RASGRP1: variants seen among roughly 807,000 people sequenced by gnomAD.
RASGRP1 encodes the protein RAS guanyl releasing protein 1.
A neutral mutation model predicts 95.1 loss-of-function variants in RASGRP1; 37 were observed. That is an observed-to-expected ratio of 0.39 (90% CI 0.30 to 0.51). RASGRP1 has a LOEUF of 0.51. Ranked by LOEUF, RASGRP1 falls within the 20% of genes least tolerant of loss-of-function variation. The pLI is 0.80. For synonymous variants in RASGRP1, 325 were observed against 353.4 expected (o/e 0.92, Z 0.90); for missense variants, 711 against 965.4 (o/e 0.74, Z 3.49).
intron 13 of RASGRP1, 33 bp downstream of exon 13, chr15:38,501,110 A>T (rs993391626): frequency 6.4e-7 from 1 of 1,557,754 alleles, no homozygotes; most frequent in Non-Finnish European, 8.7e-7. Flanking sequence ...TCTTCCCCAA[A>T]TTCAGCCCTG....
At position 38,507,996 on chromosome 15, in the gene RASGRP1, G is replaced by A. The variant is rs984298267; in HGVS notation, c.972C>T (p.Leu324=). The A allele has an allele frequency of 2.5e-6, 4 of 1,601,318 alleles. No individual in the cohort carries two copies. The highest frequency in any genetic ancestry group is 2.3e-5 in the East Asian group (1 of 44,286). Residue 324 remains leucine (L), a synonymous_variant, in exon 9 of 17, where the codon CTC becomes CTT. Coordinates refer to ENST00000310803, the MANE Select transcript of RASGRP1 (RefSeq NM_005739.4). ...SHVPHEINKV[L]GEMTELLSSS... is the part of the protein sequence containing the mutation. ...AGGACAGCAGCTCAGTCATCTCACC[G>A]AGAACCTACAAAGCAGAACAGACCA...
At chr15:38,559,689 C>T in intron 2 of RASGRP1, 132 bp downstream of exon 2, 2 of 970,948 alleles carry the variant, frequency 2.1e-6, no homozygotes, top group Non-Finnish European at 3.0e-6. Context: ...AGACTGTCTC[C>T]AACATTTCAA....
rs2141199930 is a variant in RASGRP1, at chr15:38,559,829, T to C, written c.212A>G (p.Gln71Arg). The C allele has an allele frequency of 6.2e-7, 1 of 1,613,512 alleles. No homozygotes were observed. ...GCAGTTAGCCAACTTACCAAAAGAT[T>C]GAATGCAGCTGTCAATGAGATCGTC... ...SLDDLIDSCI[Q>R]SFDADGNLCR... The change falls in exon 2 of 17, where the codon CAA becomes CGA. Residue 71 changes from glutamine (Q) to arginine (R), a missense_variant. Coordinates refer to ENST00000310803, the MANE Select transcript of RASGRP1 (RefSeq NM_005739.4).
chr15:38,519,269 C>A (rs1297952849), intron 4 of RASGRP1, 40 bp downstream of exon 4: 16 of 1,490,992 alleles, frequency 1.1e-5, no homozygotes, highest in African/African-American at 1.4e-5. Flanking sequence ...TTCATTTCAC[C>A]TTGCTCCACA....
chr15:38,557,046 A>C (rs1238711888), intron 2 of RASGRP1, among the ~76,000 whole-genome samples: 1 of 152,232 alleles, frequency 6.6e-6, no homozygotes, highest in African/African-American at 2.4e-5. Flanking sequence ...GACTGCTTTA[A>C]TCTAAAGCAC....
intron 16 of RASGRP1, among the ~76,000 whole-genome samples, chr15:38,492,592 T>C (rs1890630050): frequency 1.3e-5 from 2 of 152,202 alleles, no homozygotes; most frequent in African/African-American, 4.8e-5. Flanking sequence ...TTCCTCCTCC[T>C]GTAATAAAGT....
intron 2 of RASGRP1, among the ~76,000 whole-genome samples, chr15:38,544,747 G>T (rs548133251): frequency 5.3e-5 from 8 of 152,176 alleles, no homozygotes; most frequent in African/African-American, 1.9e-4. Context: ...AAGATACTCC[G>T]CAAGGCAAGA....
chr15:38,496,487 A>C (rs963618065), intron 15 of RASGRP1, among the ~76,000 whole-genome samples: 2 of 152,088 alleles, frequency 1.3e-5, no homozygotes, highest in African/African-American at 4.8e-5. Flanking sequence ...CCACTTGAAA[A>C]TCTGCATTTT....
chr15:38,502,469 T>C (rs1399733857), intron 11 of RASGRP1, 48 bp from the exon 12 acceptor site: 2 of 1,179,470 alleles, frequency 1.7e-6, no homozygotes, highest in Non-Finnish European at 2.5e-6. Flanking sequence ...AAACCGGTCT[T>C]CTCTCCCTTT....
At chr15:38,525,609 G>A (rs1303416033) in intron 3 of RASGRP1, among the ~76,000 whole-genome samples, 2 of 152,164 alleles carry the variant, frequency 1.3e-5, no homozygotes, top group African/African-American at 4.8e-5. Context: ...GGGGAATTAG[G>A]AGAGTGGAAA....
chr15:38,499,052 C>T (rs751563491), intron 14 of RASGRP1, 106 bp from the exon 15 acceptor site: 2 of 1,444,944 alleles, frequency 1.4e-6, no homozygotes, highest in South Asian at 1.1e-5. Context: ...CATGTCTGTT[C>T]TATCTTCTGG....
intron 2 of RASGRP1, among the ~76,000 whole-genome samples, chr15:38,552,247 G>A (rs1375441803): frequency 6.6e-6 from 1 of 152,172 alleles, no homozygotes; most frequent in Admixed American, 6.5e-5. Context: ...AGAACACACA[G>A]AGAGGTTGTT....
At chr15:38,499,828 A>G (rs1242913895) in intron 14 of RASGRP1, among the ~76,000 whole-genome samples, 4 of 152,158 alleles carry the variant, frequency 2.6e-5, no homozygotes, top group Non-Finnish European at 5.9e-5. Context: ...TGTTGTTCTC[A>G]TGATAGTGAG....
rs775047562 is a variant in RASGRP1 at position 38,507,998 on chromosome 15, G to C, written c.970C>G (p.Leu324Val). The C allele has an allele frequency of 1.2e-6, 2 of 1,601,052 alleles. No homozygotes were observed. Among genetic ancestry groups the C allele is most frequent in the Non-Finnish European group, 1.7e-6 (2 of 1,174,366 alleles). Residue 324 changes from leucine to valine, a missense_variant, in exon 9 of 17, where the codon CTC becomes GTC. Coordinates refer to ENST00000310803, the MANE Select transcript of RASGRP1 (RefSeq NM_005739.4). ...SHVPHEINKV[L>V]GEMTELLSSS... ...GACAGCAGCTCAGTCATCTCACCGA[G>C]AACCTACAAAGCAGAACAGACCAAT...
chr15:38,528,131 C>G (rs1354380895), intron 2 of RASGRP1, among the ~76,000 whole-genome samples: 2 of 152,074 alleles, frequency 1.3e-5, no homozygotes, highest in Non-Finnish European at 2.9e-5. Context: ...GGGTCTCCCC[C>G]TTTCTCAAGG....
intron 2 of RASGRP1, among the ~76,000 whole-genome samples, chr15:38,537,589 G>T (rs997678663): frequency 1.3e-5 from 2 of 152,082 alleles, no homozygotes; most frequent in African/African-American, 2.4e-5. Flanking sequence ...CTTCCCAGAG[G>T]GACATATATC....
intron 16 of RASGRP1, among the ~76,000 whole-genome samples, chr15:38,490,973 G>C (rs1326604952): frequency 6.6e-6 from 1 of 152,148 alleles, no homozygotes; most frequent in Admixed American, 6.5e-5. Flanking sequence ...AAAACTTTTG[G>C]ATGTTTTCTC....
chr15:38,558,834 C>A (rs1893684285), intron 2 of RASGRP1, among the ~76,000 whole-genome samples: 2 of 152,150 alleles, frequency 1.3e-5, no homozygotes, highest in Non-Finnish European at 2.9e-5. Context: ...GCACTTAACA[C>A]ACACAGCCAC....
At chr15:38,556,072 C>T (rs998363206) in intron 2 of RASGRP1, among the ~76,000 whole-genome samples, 1 of 152,138 alleles carries the variant, frequency 6.6e-6, no homozygotes, top group Non-Finnish European at 1.5e-5. Flanking sequence ...TCTTTTCTAC[C>T]TCTGAAACAG....
Sources: allele counts gnomAD v4.1 joint callset (sites outside exome capture counted in the v4.1 genomes callset), GRCh38; gene constraint gnomAD v4.1.1; transcripts MANE v1.5; gene names NCBI Gene and HGNC (gene_info 2026-07-23, HGNC 2026-07-21).